AK9: variants seen among roughly 807,000 people sequenced by gnomAD.
AK9 encodes the protein adenylate kinase domain containing 1.
A neutral mutation model predicts 239.6 loss-of-function variants in AK9; 191 were observed. That is an observed-to-expected ratio of 0.80 (90% CI 0.71 to 0.90). AK9 has a LOEUF of 0.90. Among genes scored for constraint, AK9 ranks in the 40% least tolerant of loss-of-function variants. The probability of loss-of-function intolerance (pLI) is 0.00; values close to 1 mark genes in which losing one functional copy is unlikely to be tolerated. For synonymous variants in AK9, 689 were observed against 721.0 expected, an observed-to-expected ratio of 0.96 and a Z score of 0.71; for missense variants, 1,995 against 2,214.7, an observed-to-expected ratio of 0.90 and a Z score of 1.99.
At chr6:109,506,152 T>C (rs1415734280) in intron 35 of AK9, among the ~76,000 whole-genome samples, 175 bp downstream of exon 35, 2 of 152,138 alleles carry the variant, frequency 1.3e-5, no homozygotes, top group Non-Finnish European at 2.9e-5. Context: ...TTTCAGACCA[T>C]AGCATCACAA....
At chr6:109,610,789 C>T (rs554645323) in intron 16 of AK9, among the ~76,000 whole-genome samples, 1 of 152,086 alleles carries the variant, frequency 6.6e-6, no homozygotes, top group South Asian at 2.1e-4. Context: ...GGAGTCAAAA[C>T]CAGGGAAGAA....
chr6:109,567,490 C>T (rs1324467542), intron 21 of AK9, among the ~76,000 whole-genome samples: 2 of 152,060 alleles, frequency 1.3e-5, no homozygotes, highest in Non-Finnish European at 2.9e-5. Flanking sequence ...CGGCTGAATT[C>T]TACCAGAGGT....
chr6:109,538,672 C>T (rs997205297), intron 27 of AK9, among the ~76,000 whole-genome samples: 24 of 152,046 alleles, frequency 1.6e-4, no homozygotes, highest in African/African-American at 3.4e-4. Context: ...TTATTTTGCT[C>T]GTTAGTTGAT....
At position 109,570,974 on chromosome 6, in the gene AK9, GTGTAGAAGACAA is replaced by G. The variant is rs571647592; in HGVS notation, c.2344+2456_2344+2467del. Among the ~76,000 whole-genome samples the G allele has an allele frequency of 8.5e-5, 13 of 152,282 alleles. No individual in the cohort carries two copies. The East Asian group carries it at 2.5e-3, about 29-fold the overall frequency. Reference sequence around the variant, plus strand: ...TGAGGGAATATCTTGACTTTTCCATGTGTAGAAGACAATGAAGCAATGTCAACATGAGGAATT... The same window carrying G: ...TGAGGGAATATCTTGACTTTTCCATGTGAAGCAATGTCAACATGAGGAATT... On this transcript the variant is annotated intron_variant, in intron 21 of 40. Transcript: ENST00000424296.
At chr6:109,595,219 A>G (rs2357129) in intron 17 of AK9, among the ~76,000 whole-genome samples, 84,169 of 152,100 alleles carry the variant, frequency 0.55, 24,880 homozygotes, top group South Asian at 0.78. Flanking sequence ...ACTTCTCAAA[A>G]GAAGACATTT....
chr6:109,528,624 G>GTTGCAC, intron 29 of AK9: 1 of 460,584 alleles, frequency 2.2e-6, no homozygotes, highest in Non-Finnish European at 4.4e-6. Context: ...TGCAGTTGCA[G>GTTGCAC]TTGCACTGTA....
At chr6:109,649,845 C>T (rs1421639052) in intron 8 of AK9, among the ~76,000 whole-genome samples, 6 of 152,192 alleles carry the variant, frequency 3.9e-5, no homozygotes, top group Non-Finnish European at 2.9e-5. Flanking sequence ...TACTACAAGG[C>T]TACAGTAACC....
intron 1 of AK9, among the ~76,000 whole-genome samples, chr6:109,681,015 G>A (rs1036546246): frequency 5.9e-5 from 9 of 152,102 alleles, no homozygotes; most frequent in African/African-American, 1.2e-4. Context: ...AAAGAACATC[G>A]ACACTATGAA....
intron 21 of AK9, among the ~76,000 whole-genome samples, chr6:109,568,194 T>C (rs1276313467): frequency 6.6e-6 from 1 of 152,146 alleles, no homozygotes; most frequent in Non-Finnish European, 1.5e-5. Context: ...GTTATCTCAA[T>C]AAATGCAGAA....
intron 17 of AK9, among the ~76,000 whole-genome samples, chr6:109,587,624 G>A (rs1789680785): frequency 6.6e-6 from 1 of 152,120 alleles, no homozygotes; most frequent in Non-Finnish European, 1.5e-5. Flanking sequence ...CTGTGTCTGA[G>A]TTGTTTCACT....
chr6:109,588,255 G>C (rs1195396379), intron 17 of AK9, among the ~76,000 whole-genome samples: 1 of 152,070 alleles, frequency 6.6e-6, no homozygotes, highest in East Asian at 1.9e-4. Context: ...ATTTTTAGTA[G>C]AGACGGGGTT....
chr6:109,512,031 G>A (rs1303687562), intron 32 of AK9, among the ~76,000 whole-genome samples: 2 of 152,184 alleles, frequency 1.3e-5, no homozygotes, highest in African/African-American at 4.8e-5. Flanking sequence ...TAGGGGCTGG[G>A]TAAATAAGGC....
At chr6:109,657,015 T>A in intron 7 of AK9, 131 bp from the exon 8 acceptor site, 1 of 1,032,630 alleles carries the variant, frequency 9.7e-7, no homozygotes, top group Non-Finnish European at 1.4e-6. Context: ...GATTAAAGAT[T>A]AAGGATTTTT....
rs185336193 is a variant in AK9, at chr6:109,685,280, A to G, written c.-12+5867T>C. Reference sequence around the variant, plus strand: ...TTCTACTATAAAGACACATGCACACATATGTTTACTGCAGCACTATTTACT... The same window carrying G: ...TTCTACTATAAAGACACATGCACACGTATGTTTACTGCAGCACTATTTACT... On this transcript the variant is annotated intron_variant, in intron 1 of 40. Coordinates refer to ENST00000424296, the MANE Select transcript of AK9 (RefSeq NM_001145128.3). Among the ~76,000 whole-genome samples the G allele has an allele frequency of 4.4e-3, 674 of 152,278 alleles. 6 individuals are homozygous for G. The highest frequency in any genetic ancestry group is 4.2e-3 in the Non-Finnish European group (283 of 68,016).
At chr6:109,660,034 AT>A (rs1205095630) in intron 6 of AK9, among the ~76,000 whole-genome samples, 1 of 152,184 alleles carries the variant, frequency 6.6e-6, no homozygotes, top group African/African-American at 2.4e-5. Flanking sequence ...ATTTTACTGA[AT>A]TCTCAACTAA....
chr6:109,516,414 A>G lies in AK9; in HGVS notation c.3846+16T>C. On this transcript the variant is annotated intron_variant, in intron 30 of 40. Coordinates refer to ENST00000424296, the MANE Select transcript of AK9 (RefSeq NM_001145128.3). ...TATTACTTTTGAATTATAAAAAGCA[A>G]AGGAAAAGTAATAACCTGTATTATT... 6.5e-7 allele frequency: 1 copy of G among 1,540,416 alleles called. No individual in the cohort carries two copies. The highest frequency in any genetic ancestry group is 8.8e-7 in the Non-Finnish European group (1 of 1,139,624).
chr6:109,545,969 T>C lies in AK9; in HGVS notation c.3123A>G (p.Glu1041=). The change falls in exon 26 of 41, where the codon GAA becomes GAG. Residue 1041 remains glutamate, a synonymous_variant. Coordinates refer to ENST00000424296, the MANE Select transcript of AK9 (RefSeq NM_001145128.3). The part of the protein sequence containing the change: ...LLKTEKKVGP[E]FEEDSENEQA... The stretch of plus-strand genomic sequence containing the variant: ...GCTCGTTCTCAGAATCTTCCTCAAA[T>C]TCAGGTCCCACTTTCTTTTCAGTTT... The C allele has an allele frequency of 1.2e-6, 2 of 1,614,244 alleles. No individual in the cohort carries two copies. The highest frequency in any genetic ancestry group is 1.7e-6 in the Non-Finnish European group (2 of 1,180,048).
At chr6:109,563,309 C>T (rs1029943927) in intron 24 of AK9, among the ~76,000 whole-genome samples, 1 of 152,170 alleles carries the variant, frequency 6.6e-6, no homozygotes, top group Non-Finnish European at 1.5e-5. Context: ...CAAGCAGCCT[C>T]TTTTACTTAC....
intron 29 of AK9, among the ~76,000 whole-genome samples, chr6:109,517,001 G>A (rs925663046): frequency 6.6e-6 from 1 of 152,030 alleles, no homozygotes; most frequent in African/African-American, 2.4e-5. Context: ...TCCTTCATTG[G>A]TGAAGCCTCT....
Sources: gnomAD v4.1 joint callset for allele counts (sites outside exome capture counted in the v4.1 genomes callset) on GRCh38, gnomAD v4.1.1 for gene constraint, MANE v1.5 for transcripts, NCBI Gene and HGNC (gene_info 2026-07-23, HGNC 2026-07-21) for gene names.